CEP128: variants seen among roughly 807,000 people sequenced by gnomAD.
The protein encoded by CEP128 is centrosomal protein 128.
In CEP128, 132 loss-of-function variants were observed where a neutral mutation model predicts 156.7. The observed-to-expected ratio is 0.84, with a 90% CI of 0.73 to 0.97. The LOEUF (loss-of-function observed/expected upper bound fraction) is 0.97. Among genes scored for constraint, CEP128 ranks in the 50% least tolerant of loss-of-function variants. The pLI is 0.00. For missense variants in CEP128, 1,252 were observed against 1,281.9 expected (o/e 0.98, Z 0.36); for synonymous variants, 469 against 448.9 (o/e 1.04, Z -0.57).
intron 19 of CEP128, among the ~76,000 whole-genome samples, chr14:80,677,503 C>A (rs1183382822): frequency 9.7e-5 from 2 of 20,522 alleles, no homozygotes; most frequent in Admixed American, 1.4e-3. Flanking sequence ...AGCAAGACTC[C>A]GTCTCAAAAA....
At chr14:80,697,335 A>G (rs1366084240) in intron 19 of CEP128, among the ~76,000 whole-genome samples, 1 of 152,122 alleles carries the variant, frequency 6.6e-6, no homozygotes, top group Non-Finnish European at 1.5e-5. Flanking sequence ...ACAGGTTCTA[A>G]AGGGCAGGTA....
At chr14:80,603,010 G>A (rs1892640764) in intron 19 of CEP128, among the ~76,000 whole-genome samples, 1 of 152,162 alleles carries the variant, frequency 6.6e-6, no homozygotes, top group Non-Finnish European at 1.5e-5. Flanking sequence ...AAATGTATGG[G>A]ATACAGTGTG....
intron 19 of CEP128, among the ~76,000 whole-genome samples, chr14:80,674,415 G>A (rs543070522): frequency 3.2e-4 from 49 of 152,136 alleles, no homozygotes; most frequent in African/African-American, 9.9e-4. Context: ...TGATCCTTCA[G>A]TGTTCAAACT....
At chr14:80,759,492 G>A (rs1335443726) in intron 17 of CEP128, among the ~76,000 whole-genome samples, 1 of 152,022 alleles carries the variant, frequency 6.6e-6, no homozygotes, top group Admixed American at 6.5e-5. Flanking sequence ...CCCCTGGGTG[G>A]TTTCTTAAGC....
At position 80,497,363 on chromosome 14, in the gene CEP128, C is replaced by A. The variant is rs1056231463; in HGVS notation, c.*116G>T. Reference sequence around the variant, plus strand: ...CACTTTTGTCAATGTTTGGCAATACCAAAGAGCCAAAGCTGCAGGTATGTC... The same window carrying A: ...CACTTTTGTCAATGTTTGGCAATACAAAAGAGCCAAAGCTGCAGGTATGTC... On this transcript the variant is annotated 3_prime_UTR_variant, in exon 25 of 25. Coordinates refer to ENST00000555265, the MANE Select transcript of CEP128 (RefSeq NM_152446.5). The A allele has an allele frequency of 9.0e-6, 6 of 665,216 alleles. No individual in the cohort carries two copies. Among genetic ancestry groups the A allele is most frequent in the African/African-American group, 5.5e-5 (3 of 54,786 alleles). The allele number at this position is 665,216 out of a possible 1,614,324, so 41.2% of individuals were successfully genotyped here. A position where few individuals can be genotyped will look rare whatever the true frequency, so the allele number is the denominator to read the frequency against.
chr14:80,890,393 T>C (rs534546120), intron 8 of CEP128, among the ~76,000 whole-genome samples: 2 of 152,258 alleles, frequency 1.3e-5, no homozygotes, highest in South Asian at 2.1e-4. Context: ...CCATCAATGA[T>C]AGACTGGATA....
At chr14:80,490,655 G>A (rs1331327713) in exon 7 of CEP128, 1 of 152,136 alleles carries the variant, frequency 6.6e-6, no homozygotes, top group African/African-American at 2.4e-5. Flanking sequence ...AGTTAATCAA[G>A]CATCTTTGGA....
At chr14:80,579,163 C>T (rs1238585988) in intron 20 of CEP128, among the ~76,000 whole-genome samples, 1 of 152,138 alleles carries the variant, frequency 6.6e-6, no homozygotes, top group Non-Finnish European at 1.5e-5. Flanking sequence ...GTAAACACAA[C>T]ACACAACCAC....
chr14:80,655,325 G>A (rs1868546), intron 19 of CEP128, among the ~76,000 whole-genome samples: 129,085 of 152,166 alleles, frequency 0.85, 55,017 homozygotes, highest in African/African-American at 0.92. Flanking sequence ...ATATAAATTT[G>A]CTATTGTCAC....
chr14:80,661,843 G>A (rs1369485479), intron 19 of CEP128, among the ~76,000 whole-genome samples: 1 of 152,090 alleles, frequency 6.6e-6, no homozygotes, highest in Non-Finnish European at 1.5e-5. Flanking sequence ...AAAATGATCA[G>A]AATAACCGAC....
At chr14:80,611,144 T>G (rs1016179038) in intron 19 of CEP128, among the ~76,000 whole-genome samples, 18 of 152,168 alleles carry the variant, frequency 1.2e-4, no homozygotes, top group African/African-American at 4.3e-4. Context: ...TGGTAAAACA[T>G]ATTTATTGAG....
At chr14:80,598,846 T>C (rs1411933794) in intron 19 of CEP128, among the ~76,000 whole-genome samples, 1 of 152,042 alleles carries the variant, frequency 6.6e-6, no homozygotes, top group African/African-American at 2.4e-5. Flanking sequence ...GGAGAACAGA[T>C]TAGTGACTGC....
intron 19 of CEP128, among the ~76,000 whole-genome samples, chr14:80,647,807 T>TA (rs1779967960): frequency 6.6e-6 from 1 of 152,132 alleles, no homozygotes; most frequent in Non-Finnish European, 1.5e-5. Context: ...AGGACTAGGT[T>TA]AGTTGATATT....
At chr14:80,950,007 T>C (rs1886428383) in intron 2 of CEP128, among the ~76,000 whole-genome samples, 1 of 152,218 alleles carries the variant, frequency 6.6e-6, no homozygotes, top group Non-Finnish European at 1.5e-5. Context: ...TATTTGGGAA[T>C]AGCATCTTTA....
chr14:80,489,072 C>T (rs1887238737), downstream of CEP128, among the ~76,000 whole-genome samples: 1 of 151,436 alleles, frequency 6.6e-6, no homozygotes, highest in East Asian at 1.9e-4. Flanking sequence ...CAACCTGGCA[C>T]ATGTATACAT....
intron 19 of CEP128, among the ~76,000 whole-genome samples, chr14:80,580,941 T>C (rs1332648956): frequency 2.0e-5 from 3 of 152,066 alleles, no homozygotes; most frequent in African/African-American, 7.2e-5. Flanking sequence ...CACCACCTCA[T>C]CCATAAAGTC....
intron 6 of CEP128, among the ~76,000 whole-genome samples, chr14:80,903,743 A>C (rs1883714828): frequency 6.6e-6 from 1 of 152,156 alleles, no homozygotes; most frequent in Non-Finnish European, 1.5e-5. Context: ...CATTTTTAAA[A>C]ATATTCAGCA....
At chr14:80,795,685 T>A (rs1883424052) in intron 13 of CEP128, among the ~76,000 whole-genome samples, 1 of 152,138 alleles carries the variant, frequency 6.6e-6, no homozygotes, top group Non-Finnish European at 1.5e-5. Context: ...TGACAAAAAG[T>A]CTCATCTCTG....
chr14:80,770,317 T>C (rs1900451813), intron 16 of CEP128, among the ~76,000 whole-genome samples: 1 of 152,218 alleles, frequency 6.6e-6, no homozygotes, highest in South Asian at 2.1e-4. Context: ...TGTGTTCTAA[T>C]TCAGAAAGTA....
Sources: gnomAD v4.1 joint callset for allele counts (sites outside exome capture counted in the v4.1 genomes callset) on GRCh38, gnomAD v4.1.1 for gene constraint, MANE v1.5 for transcripts, NCBI Gene and HGNC (gene_info 2026-07-23, HGNC 2026-07-21) for gene names.